NEURL1: variants seen among roughly 807,000 people sequenced by gnomAD.
NEURL1 encodes neuralized E3 ubiquitin protein ligase 1, also known as E3 ubiquitin-protein ligase NEURL1.
NEURL1 carries 26 observed loss-of-function variants against 41.2 expected under a neutral mutation model. That is an observed-to-expected ratio of 0.63 (90% CI 0.46 to 0.87). NEURL1 has a LOEUF of 0.87. Ranked by LOEUF, NEURL1 falls within the 40% of genes least tolerant of loss-of-function variation. The pLI is 0.00. For synonymous variants in NEURL1, 400 were observed against 402.3 expected, an observed-to-expected ratio of 0.99 and a Z score of 0.07; for missense variants, 761 against 871.1, an observed-to-expected ratio of 0.87 and a Z score of 1.59.
rs1173164178 is a variant in NEURL1, at chr10:103,571,802, C to T, written c.629C>T (p.Thr210Met). 6.8e-6 allele frequency: 11 copies of T among 1,606,866 alleles called. No homozygotes were observed. The highest frequency in any genetic ancestry group is 8.5e-6 in the Non-Finnish European group (10 of 1,176,340). The change falls in exon 3 of 6, where the codon ACG becomes ATG. Residue 210 changes from threonine (T) to methionine (M), a missense_variant. Physicochemically the swap from Thr to Met is moderately conservative, Grantham distance 81. Transcript: ENST00000369780. ...GCCCTGGTGGACGTCTACGGCCTCA[C>T]GCGGGGCGTCCAGCTGCTTGGTGAG... The part of the protein sequence containing the change: ...LWALVDVYGL[T>M]RGVQLLDSEL...
At chr10:103,498,338 C>T (rs983163482) in intron 1 of NEURL1, among the ~76,000 whole-genome samples, 13 of 152,260 alleles carry the variant, frequency 8.5e-5, no homozygotes, top group Middle Eastern at 3.4e-3. Context: ...CGCCTTCTCC[C>T]GCCTCAGCCT....
chr10:103,534,940 C>A (rs1177690000), intron 1 of NEURL1, among the ~76,000 whole-genome samples: 2 of 152,124 alleles, frequency 1.3e-5, no homozygotes, highest in African/African-American at 4.8e-5. Context: ...GATTCTACTG[C>A]TGGGAGGGAG....
chr10:103,571,534 C>T lies in NEURL1; in HGVS notation c.361C>T (p.Leu121=). 1 of 1,609,690 alleles carries T rather than the reference C, an allele frequency of 6.2e-7. No homozygotes were observed. Among genetic ancestry groups the T allele is most frequent in the African/African-American group, 1.3e-5 (1 of 75,056 alleles). The stretch of plus-strand genomic sequence containing the variant: ...GAAGCAGTGCTGCTGGAGCGGGGCC[C>T]TGCGGCTGGGCTTCACCAGCAAGGA... ...TKKQCCWSGA[L]RLGFTSKDPS... The change falls in exon 3 of 6, where the codon CTG becomes TTG. Residue 121 remains leucine (L), a synonymous_variant. Coordinates refer to ENST00000369780, the MANE Select transcript of NEURL1 (RefSeq NM_004210.5).
chr10:103,499,147 C>T (rs1399250568), intron 1 of NEURL1, among the ~76,000 whole-genome samples: 1 of 152,206 alleles, frequency 6.6e-6, no homozygotes, highest in African/African-American at 2.4e-5. Flanking sequence ...GGCCGTCCCC[C>T]TCCAGCTCTG....
intron 1 of NEURL1, among the ~76,000 whole-genome samples, chr10:103,563,081 C>G (rs2035339711): frequency 6.6e-6 from 1 of 152,150 alleles, no homozygotes. Context: ...CATATCAGGA[C>G]CACCCTGGCA....
chr10:103,505,826 C>T (rs1280706973), intron 1 of NEURL1, among the ~76,000 whole-genome samples: 1 of 152,212 alleles, frequency 6.6e-6, no homozygotes, highest in Non-Finnish European at 1.5e-5. Flanking sequence ...GCCAGAGTCA[C>T]CCCAGCCCTC....
intron 1 of NEURL1, among the ~76,000 whole-genome samples, chr10:103,496,321 G>A (rs921805229): frequency 6.6e-6 from 1 of 152,174 alleles, no homozygotes; most frequent in Non-Finnish European, 1.5e-5. Context: ...AATTATATTT[G>A]TGAAGAATAG....
chr10:103,505,140 A>C (rs2033917706), intron 1 of NEURL1, among the ~76,000 whole-genome samples: 2 of 150,488 alleles, frequency 1.3e-5, no homozygotes, highest in Non-Finnish European at 3.0e-5. Flanking sequence ...TGCAGCCTCA[A>C]CCTTCTGGGC....
chr10:103,584,497 G>A (rs771353967), intron 3 of NEURL1, 39 bp from the exon 4 acceptor site: 2 of 1,282,810 alleles, frequency 1.6e-6, no homozygotes, highest in East Asian at 3.2e-5. Flanking sequence ...GCCGCCTCCC[G>A]AGAGCCCTGC....
At chr10:103,590,040 GA>G in intron 5 of NEURL1, 93 bp from the exon 6 acceptor site, 1 of 1,217,626 alleles carries the variant, frequency 8.2e-7, no homozygotes, top group Non-Finnish European at 1.2e-6. Context: ...CTGATAAATG[GA>G]GGGGGACACA....
In NEURL1 at chr10:103,585,015, C is replaced by G. The variant is rs1194159794; in HGVS notation, c.1129C>G (p.Leu377Val). 2 of 1,580,758 alleles carry G rather than the reference C, an allele frequency of 1.3e-6. No homozygotes were observed. Among genetic ancestry groups the G allele is most frequent in the African/African-American group, 2.7e-5 (2 of 74,300 alleles). The change falls in exon 4 of 6, where the codon CTG becomes GTG. Residue 377 changes from leucine to valine, a missense_variant. Physicochemically the swap from Leu to Val is conservative, Grantham distance 32 (BLOSUM62 1). Coordinates refer to ENST00000369780, the MANE Select transcript of NEURL1 (RefSeq NM_004210.5). ...PADLPFSPEA[L>V]VDRKEFWAVC... is the part of the protein sequence containing the mutation. ...CGACCTGCCTTTCAGCCCTGAGGCC[C>G]TGGTGGACCGCAAGGAATTCTGGGC...
chr10:103,568,453 G>C (rs2035470945), intron 1 of NEURL1, among the ~76,000 whole-genome samples: 1 of 152,228 alleles, frequency 6.6e-6, no homozygotes, highest in Non-Finnish European at 1.5e-5. Flanking sequence ...CCCTGCAGTT[G>C]CTCCGTGGAT....
chr10:103,551,765 C>A (rs979634944), intron 1 of NEURL1, among the ~76,000 whole-genome samples: 2 of 152,196 alleles, frequency 1.3e-5, no homozygotes, highest in South Asian at 4.1e-4. Flanking sequence ...TTGCCACATC[C>A]TATTTGGGGA....
At chr10:103,555,375 C>T (rs1303259383) in intron 1 of NEURL1, 1 of 1,357,178 alleles carries the variant, frequency 7.4e-7, no homozygotes, top group Non-Finnish European at 9.8e-7. Flanking sequence ...TGCCCGTCGC[C>T]GGAGATGGGG....
chr10:103,565,213 G>T (rs1481968094), intron 1 of NEURL1, among the ~76,000 whole-genome samples: 1 of 152,160 alleles, frequency 6.6e-6, no homozygotes, highest in Non-Finnish European at 1.5e-5. Flanking sequence ...CCTGCCACGT[G>T]ACAGGAGCCC....
intron 1 of NEURL1, among the ~76,000 whole-genome samples, chr10:103,563,716 C>G (rs2035356500): frequency 6.6e-6 from 1 of 152,148 alleles, no homozygotes; most frequent in South Asian, 2.1e-4. Context: ...CAAACACCAT[C>G]TATTTTAATC....
intron 1 of NEURL1, among the ~76,000 whole-genome samples, chr10:103,547,192 G>A (rs540297479): frequency 6.6e-6 from 1 of 152,220 alleles, no homozygotes; most frequent in Non-Finnish European, 1.5e-5. Context: ...GTTTGAACCC[G>A]GGAAGTTTGA....
intron 1 of NEURL1, chr10:103,494,870 A>T (rs1016582567): frequency 2.0e-5 from 4 of 196,752 alleles, no homozygotes; most frequent in African/African-American, 9.3e-5. Flanking sequence ...TGGAGAGACC[A>T]GGCTGGGAGC....
chr10:103,557,678 G>T (rs918572587), intron 1 of NEURL1, among the ~76,000 whole-genome samples: 3 of 152,140 alleles, frequency 2.0e-5, no homozygotes, highest in African/African-American at 7.2e-5. Flanking sequence ...TTGCATATGC[G>T]TCCTCATGCA....
Sources: allele counts gnomAD v4.1 joint callset (sites outside exome capture counted in the v4.1 genomes callset), GRCh38; gene constraint gnomAD v4.1.1; transcripts MANE v1.5; gene names NCBI Gene and HGNC (gene_info 2026-07-23, HGNC 2026-07-21).